The following ACSL6 variants were observed in gnomAD, a reference collection of about 807,000 sequenced individuals.
ACSL6 encodes the protein long-chain-fatty-acid--CoA ligase 6.
Under a neutral mutation model 98.2 loss-of-function variants are expected in ACSL6, and 47 were observed. That is an observed-to-expected ratio of 0.48 (90% CI 0.38 to 0.61). The LOEUF is 0.61. Among genes scored for constraint, ACSL6 ranks in the 20% least tolerant of loss-of-function variants. The probability of loss-of-function intolerance (pLI) is 0.00; values close to 1 mark genes in which losing one functional copy is unlikely to be tolerated. For synonymous variants in ACSL6, 362 were observed against 336.9 expected (o/e 1.07, Z -0.82); for missense variants, 761 against 913.4 (o/e 0.83, Z 2.15).
Position 131,988,920 on chromosome 5 carries a change from A to C in ACSL6, c.553-16T>G. 203 of 1,078,804 alleles carry C rather than the reference A, an allele frequency of 1.9e-4. No individual in the cohort carries two copies. The highest frequency in any genetic ancestry group is 2.5e-4 in the Non-Finnish European group (179 of 715,020). The allele number at this position is 1,078,804 out of a possible 1,614,324, so 66.8% of individuals were successfully genotyped here. ...CAATGATCCACTGTGGAGACACATG[A>C]GGCGGGGGTGGGGAAGAAGGGGAGA... On this transcript the variant is annotated splice_polypyrimidine_tract_variant and intron_variant, in intron 5 of 20. Coordinates refer to ENST00000651883, the MANE Select transcript of ACSL6 (RefSeq NM_001009185.3).
At chr5:131,956,898 G>A (rs1164632544) in intron 20 of ACSL6, among the ~76,000 whole-genome samples, 1 of 152,148 alleles carries the variant, frequency 6.6e-6, no homozygotes, top group Admixed American at 6.5e-5. Context: ...GAAAAAGGGA[G>A]ATGCCTAATG....
At chr5:131,990,032 C>T (rs1754420170) in intron 4 of ACSL6, 68 bp downstream of exon 4, 7 of 1,542,974 alleles carry the variant, frequency 4.5e-6, no homozygotes, top group Non-Finnish European at 6.2e-6. Flanking sequence ...GCCCACATCC[C>T]TCCCTACCTG....
At chr5:131,972,101 G>A (rs1287216561) in intron 13 of ACSL6, among the ~76,000 whole-genome samples, 1 of 152,066 alleles carries the variant, frequency 6.6e-6, no homozygotes, top group Non-Finnish European at 1.5e-5. Context: ...TGAGGACGAA[G>A]AATACTTGAA....
At chr5:132,007,128 G>A (rs926193155) in intron 1 of ACSL6, 1 of 152,260 alleles carries the variant, frequency 6.6e-6, no homozygotes, top group Admixed American at 6.5e-5. Context: ...CTGCCCTCAA[G>A]GAGACCATGG....
chr5:131,983,767 A>G (rs173812), intron 9 of ACSL6: 36,134 of 152,190 alleles, frequency 0.24, 4,481 homozygotes, highest in East Asian at 0.51. Flanking sequence ...CCTATGTTTC[A>G]AGCCCTATAC....
intron 17 of ACSL6, among the ~76,000 whole-genome samples, chr5:131,965,760 A>G (rs1752982376): frequency 6.6e-6 from 1 of 152,222 alleles, no homozygotes; most frequent in South Asian, 2.1e-4. Context: ...GATCTTGCAC[A>G]ACACAACAAT....
chr5:131,956,080 A>G (rs1752387565), intron 20 of ACSL6, among the ~76,000 whole-genome samples: 1 of 152,142 alleles, frequency 6.6e-6, no homozygotes, highest in South Asian at 2.1e-4. Context: ...CTGCATTCCT[A>G]ACAGCATGTG....
At chr5:131,988,339 G>A (rs1754310792) in intron 6 of ACSL6, 113 bp from the exon 7 acceptor site, 2 of 1,364,106 alleles carry the variant, frequency 1.5e-6, no homozygotes, top group South Asian at 2.7e-5. Flanking sequence ...TGTGCCCATA[G>A]CTTATGTGTA....
At chr5:131,961,462 G>A (rs1326832133) in intron 18 of ACSL6, among the ~76,000 whole-genome samples, 2 of 151,948 alleles carry the variant, frequency 1.3e-5, no homozygotes, top group African/African-American at 2.4e-5. Context: ...GGAGGCTGAG[G>A]CAGGCACAAC....
Position 131,968,054 on chromosome 5 carries a change from TTG to T in ACSL6, c.1508-28_1508-27del, listed in dbSNP as rs1266099671. On this transcript the variant is annotated intron_variant, in intron 15 of 20. Transcript: ENST00000651883. The stretch of plus-strand genomic sequence containing the variant: ...CTGGAACACCGGAGCAAGATGGCAT[TTG>T]TTAGTGTTCAGATCTGTTTTAGCAC... 5 of 1,602,354 alleles carry T rather than the reference TTG, an allele frequency of 3.1e-6. No individual in the cohort carries two copies. The East Asian group carries it at 8.9e-5, about 29-fold the overall frequency.
chr5:131,991,043 G>A (rs1754482533), intron 2 of ACSL6, 76 bp from the exon 3 acceptor site: 3 of 1,276,926 alleles, frequency 2.3e-6, no homozygotes, highest in East Asian at 2.3e-5. Flanking sequence ...GCATGCACAA[G>A]GCTGTACCCA....
At chr5:132,009,836 C>T (rs1453232408) in intron 1 of ACSL6, among the ~76,000 whole-genome samples, 2 of 152,164 alleles carry the variant, frequency 1.3e-5, no homozygotes, top group Non-Finnish European at 2.9e-5. Context: ...TCACAGGCTG[C>T]TGATGACCCC....
intron 1 of ACSL6, 117 bp from the exon 2 acceptor site, chr5:131,994,368 T>C: frequency 2.3e-6 from 2 of 882,962 alleles, no homozygotes; most frequent in Admixed American, 4.5e-5. Flanking sequence ...CCTCGGGGAG[T>C]TGGGATGTAC....
At position 132,011,274 on chromosome 5, in the gene ACSL6, A is replaced by G. The variant is rs1223038096; in HGVS notation, c.49+231T>C. ...GGTTTGTGGTGGGGTCGCAGAGAGC[A>G]AGCCCTATATCTCCCTCCGCAGACC... On this transcript the variant is annotated intron_variant, in intron 1 of 20. Coordinates refer to ENST00000651883, the MANE Select transcript of ACSL6 (RefSeq NM_001009185.3). The surrounding 1 kb of genome is among the most constrained non-coding windows in gnomAD (Gnocchi z 5.4). Among the ~76,000 whole-genome samples, 3 of 152,102 alleles carry G rather than the reference A, an allele frequency of 2.0e-5. No individual in the cohort carries two copies. The highest frequency in any genetic ancestry group is 4.8e-5 in the African/African-American group (2 of 41,426).
At chr5:132,010,903 C>A (rs1755684865) in intron 1 of ACSL6, among the ~76,000 whole-genome samples, 1 of 152,136 alleles carries the variant, frequency 6.6e-6, no homozygotes, top group South Asian at 2.1e-4. Flanking sequence ...AGTGGTGAAG[C>A]TGACTCCTGT....
chr5:131,967,940 C>G lies in ACSL6; in HGVS notation c.1596G>C (p.Glu532Asp). 6.2e-7 allele frequency: 1 copy of G among 1,613,346 alleles called. No individual in the cohort carries two copies. Among genetic ancestry groups the G allele is most frequent in the Non-Finnish European group, 8.5e-7 (1 of 1,179,514 alleles). ...CATGAATGGCTAAATCCTTGTTTACCTCTCCCTCTCCTTTGCAGGCCCAGT... is the reference window on the plus strand; with the variant it reads ...CATGAATGGCTAAATCCTTGTTTACGTCTCCCTCTCCTTTGCAGGCCCAGT... ...LNYWACKGEG[E>D]ICVRGPNVFK... The change falls in exon 16 of 21, where the codon GAG becomes GAC. Residue 532 changes from glutamate to aspartate, a missense_variant and splice_region_variant. Coordinates refer to ENST00000651883, the MANE Select transcript of ACSL6 (RefSeq NM_001009185.3).
chr5:131,962,745 T>C, intron 17 of ACSL6, 67 bp from the exon 18 acceptor site: 1 of 1,577,978 alleles, frequency 6.3e-7, no homozygotes. Context: ...TGCTCCTCAG[T>C]GCCGTAACTC....
chr5:131,953,098 C>T lies in ACSL6; in HGVS notation c.*1136G>A, dbSNP rs143758593. 2.6e-3 allele frequency: 521 copies of T among 201,324 alleles called. 4 individuals are homozygous for T. The highest frequency in any genetic ancestry group is 0.011 in the African/African-American group (487 of 43,606). 12.5% of individuals were successfully genotyped at this position (201,324 alleles called of 1,614,324 possible). On this transcript the variant is annotated 3_prime_UTR_variant, in exon 21 of 21. Coordinates refer to ENST00000651883, the MANE Select transcript of ACSL6 (RefSeq NM_001009185.3). Reference sequence around the variant, plus strand: ...CCTGAGAAATAACTCTGAGTTTCTTCTCCCAAGTATTCCTCAAGGATCCAT... The same window carrying T: ...CCTGAGAAATAACTCTGAGTTTCTTTTCCCAAGTATTCCTCAAGGATCCAT...
chr5:131,994,979 T>C (rs1754721330), intron 1 of ACSL6, among the ~76,000 whole-genome samples: 1 of 152,120 alleles, frequency 6.6e-6, no homozygotes, highest in Admixed American at 6.5e-5. Flanking sequence ...GCAAGGCAGG[T>C]GGCAGAGGAG....
Sources: allele counts gnomAD v4.1 joint callset (sites outside exome capture counted in the v4.1 genomes callset), GRCh38; gene constraint gnomAD v4.1.1; non-coding constraint Gnocchi (gnomAD v3.1); transcripts MANE v1.5; gene names NCBI Gene and HGNC (gene_info 2026-07-23, HGNC 2026-07-21).